The following SNX1 variants were observed in gnomAD, a reference collection of about 807,000 sequenced individuals.
SNX1 encodes the protein sorting nexin-1.
Under a neutral mutation model 71.8 loss-of-function variants are expected in SNX1, and 36 were observed. The ratio of observed to expected loss-of-function variants is 0.50; its 90% CI spans 0.38 to 0.66. SNX1 has a LOEUF of 0.66. SNX1 is among the 30% of genes least tolerant of loss of function. SNX1 has a pLI of 0.00. For synonymous variants in SNX1, 254 were observed against 240.7 expected, an observed-to-expected ratio of 1.06 and a Z score of -0.51; for missense variants, 612 against 646.7, an observed-to-expected ratio of 0.95 and a Z score of 0.58.
intron 1 of SNX1, among the ~76,000 whole-genome samples, chr15:64,096,482 C>A (rs1479888586): frequency 1.3e-5 from 2 of 152,228 alleles, no homozygotes; most frequent in African/African-American, 4.8e-5. Flanking sequence ...GGTTATTTTG[C>A]AGGTCGTGTC....
chr15:64,099,012 G>GT (rs1220041242), intron 1 of SNX1, among the ~76,000 whole-genome samples: 11 of 152,192 alleles, frequency 7.2e-5, no homozygotes, highest in African/African-American at 2.7e-4. Context: ...GAGCTCGCTA[G>GT]TTTAACTGTC....
chr15:64,119,386 C>G (rs999519986), intron 4 of SNX1, among the ~76,000 whole-genome samples: 1 of 152,016 alleles, frequency 6.6e-6, no homozygotes, highest in African/African-American at 2.4e-5. Context: ...CCTCTTAAAG[C>G]ACCGAGATTA....
chr15:64,136,554 G>A (rs902017628), intron 13 of SNX1, 144 bp downstream of exon 13: 5 of 716,054 alleles, frequency 7.0e-6, no homozygotes, highest in Admixed American at 6.4e-5. Context: ...CTTTGGGGGG[G>A]TGTGTGCTTG....
chr15:64,127,595 C>A, intron 7 of SNX1, 136 bp from the exon 8 acceptor site: 1 of 647,214 alleles, frequency 1.5e-6, no homozygotes, highest in Non-Finnish European at 2.7e-6. Flanking sequence ...AAGGAGAGAC[C>A]TACTTAAGTA....
In SNX1 at chr15:64,096,136, C is replaced by T. The variant is rs368705801; in HGVS notation, c.123C>T (p.Thr41=). ...AACCCGAGGCTGGGGACAGCGACAC[C>T]GAGGGGGAGGACATTTTCACCGGCG... ...GSEPEAGDSD[T]EGEDIFTGAA... is the part of the protein sequence containing the mutation. The change falls in exon 1 of 15, where the codon ACC becomes ACT. Residue 41 remains threonine, a synonymous_variant. Transcript: ENST00000559844. The T allele has an allele frequency of 2.6e-6, 4 of 1,555,022 alleles. No individual in the cohort carries two copies. The highest frequency in any genetic ancestry group is 1.7e-6 in the Non-Finnish European group (2 of 1,149,612).
chr15:64,141,607 G>C lies in SNX1; in HGVS notation c.*3989G>C, dbSNP rs1422803844. 7.9e-5 allele frequency: 12 copies of C among 152,372 alleles called. No individual in the cohort carries two copies. The highest frequency in any genetic ancestry group is 7.9e-4 in the Admixed American group (12 of 15,286). The allele number at this position is 152,372 out of a possible 1,614,324, so 9.4% of individuals were successfully genotyped here. On this transcript the variant is annotated 3_prime_UTR_variant, in exon 15 of 15. Coordinates refer to ENST00000559844, the MANE Select transcript of SNX1 (RefSeq NM_003099.5). This position sits in a 1 kb window ranked among gnomAD's most constrained non-coding sequence, Gnocchi z 5.1. ...TGGCAGGGTGAGGTAGGCGCATCTA[G>C]GGAAATGTCAAGTGGCTTGGTGTAG...
At position 64,129,247 on chromosome 15, in the gene SNX1, C is replaced by CA. The variant is rs74266544; in HGVS notation, c.808-655dup. 0.02 allele frequency among the ~76,000 whole-genome samples: 2,441 copies of CA among 122,968 alleles called. 57 individuals are homozygous for CA. Among genetic ancestry groups the CA allele is most frequent in the African/African-American group, 0.066 (2,218 of 33,548 alleles). 80.7% of individuals were successfully genotyped at this position (122,968 alleles called of 152,430 possible). On this transcript the variant is annotated intron_variant, in intron 8 of 14. Coordinates refer to ENST00000559844, the MANE Select transcript of SNX1 (RefSeq NM_003099.5). The surrounding 1 kb of genome is among the most constrained non-coding windows in gnomAD (Gnocchi z 4.4). ...GGGCGACAAGAGCAAGACTCCGTCT[C>CA]AAAAAAAAAAAAAAGAACTACTGCC...
chr15:64,101,961 T>C (rs1435691564), intron 1 of SNX1, among the ~76,000 whole-genome samples: 1 of 152,184 alleles, frequency 6.6e-6, no homozygotes, highest in African/African-American at 2.4e-5. Context: ...CCTGATTTGA[T>C]CATTGCACAT....
intron 4 of SNX1, among the ~76,000 whole-genome samples, chr15:64,122,030 G>T (rs1378681255): frequency 1.3e-5 from 2 of 152,174 alleles, no homozygotes; most frequent in Non-Finnish European, 2.9e-5. Context: ...CTTATTTGCA[G>T]ATCTGTGTGC....
chr15:64,136,894 A>T lies in SNX1; in HGVS notation c.1480A>T (p.Ile494Phe). The T allele has an allele frequency of 3.1e-6, 5 of 1,614,012 alleles. No homozygotes were observed. The highest frequency in any genetic ancestry group is 4.2e-6 in the Non-Finnish European group (5 of 1,179,928). The change falls in exon 14 of 15, where the codon ATC (isoleucine) becomes TTC (phenylalanine). Residue 494 changes from isoleucine to phenylalanine, a missense_variant. By Grantham distance (21) the Ile-to-Phe change is conservative. This residue lies in a region of SNX1 where 296 missense variants were observed against 361.9 expected (regional missense o/e 0.82). Transcript: ENST00000559844. ...EKSKDFKNHV[I>F]KYLETLLYSQ... is the part of the protein sequence containing the mutation. Reference sequence around the variant, plus strand: ...ATCCAAGGACTTCAAGAACCACGTGATCAAGTACCTTGAGACACTCCTTTA... The same window carrying T: ...ATCCAAGGACTTCAAGAACCACGTGTTCAAGTACCTTGAGACACTCCTTTA...
chr15:64,125,262 A>G (rs1289006717), intron 5 of SNX1, among the ~76,000 whole-genome samples: 2 of 152,138 alleles, frequency 1.3e-5, no homozygotes, highest in Non-Finnish European at 2.9e-5. Flanking sequence ...CAGGAGTTCG[A>G]GAGCAGCCCG....
intron 1 of SNX1, chr15:64,111,565 C>G (rs1479760984): frequency 1.3e-5 from 2 of 152,286 alleles, no homozygotes; most frequent in South Asian, 4.1e-4. Flanking sequence ...ACCTTCAGAC[C>G]TGCTAACAGT....
chr15:64,138,323 CTCTTTTT>C lies in SNX1; in HGVS notation c.*707_*713del. On this transcript the variant is annotated 3_prime_UTR_variant, in exon 15 of 15. Transcript: ENST00000559844. ...CAAAGGAGGCAGAGACTTTCTCTCT[CTCTTTTT>C]TTTTTTTTTTTGGTGTCCCTATCAT... The C allele has an allele frequency of 1.4e-6, 1 of 693,892 alleles. No individual in the cohort carries two copies. Among genetic ancestry groups the C allele is most frequent in the African/African-American group, 2.1e-5 (1 of 47,686 alleles). 43.0% of individuals were successfully genotyped at this position (693,892 alleles called of 1,614,324 possible).
chr15:64,138,178 A>C lies in SNX1; in HGVS notation c.*560A>C, dbSNP rs111266723. On this transcript the variant is annotated 3_prime_UTR_variant, in exon 15 of 15. Transcript: ENST00000559844. ...AAATGGGGTTTCTTTCTCTCCGCCTACCTCAGCTACCTGTTCTGAGGGTCT... is the reference window on the plus strand; with the variant it reads ...AAATGGGGTTTCTTTCTCTCCGCCTCCCTCAGCTACCTGTTCTGAGGGTCT... The C allele has an allele frequency of 6.5e-7, 1 of 1,535,202 alleles. No individual in the cohort carries two copies. The highest frequency in any genetic ancestry group is 1.2e-5 in the South Asian group (1 of 83,906).
intron 14 of SNX1, 84 bp downstream of exon 14, chr15:64,137,016 G>A (rs2081366384): frequency 2.8e-6 from 3 of 1,071,160 alleles, no homozygotes; most frequent in Non-Finnish European, 4.3e-6. Context: ...AACAAGATGT[G>A]CAGGCCCTGC....
In SNX1 at chr15:64,138,182, CA is replaced by C; in HGVS notation, c.*565del. ...GGGGTTTCTTTCTCTCCGCCTACCT[CA>C]GCTACCTGTTCTGAGGGTCTCAATC... On this transcript the variant is annotated 3_prime_UTR_variant, in exon 15 of 15. Coordinates refer to ENST00000559844, the MANE Select transcript of SNX1 (RefSeq NM_003099.5). 2 of 1,535,228 alleles carry C rather than the reference CA, an allele frequency of 1.3e-6. No homozygotes were observed. The highest frequency in any genetic ancestry group is 1.7e-6 in the Non-Finnish European group (2 of 1,146,780).
intron 2 of SNX1, among the ~76,000 whole-genome samples, chr15:64,114,385 G>C (rs759781063): frequency 6.6e-6 from 1 of 152,182 alleles, no homozygotes; most frequent in Non-Finnish European, 1.5e-5. Flanking sequence ...TGAAGACAAA[G>C]TCAAAAGGTT....
chr15:64,143,168 A>G lies in SNX1; in HGVS notation c.*5550A>G, dbSNP rs1295075151. The G allele has an allele frequency of 6.0e-6, 1 of 165,462 alleles. No individual in the cohort carries two copies. Among genetic ancestry groups the G allele is most frequent in the East Asian group, 1.8e-4 (1 of 5,682 alleles). The allele number at this position is 165,462 out of a possible 1,614,324, so 10.2% of individuals were successfully genotyped here. Reference sequence around the variant, plus strand: ...TCCCTGGCTCCAAACATAGGAGGACACATCTGTGCTACAGTGCGCACATGC... The same window carrying G: ...TCCCTGGCTCCAAACATAGGAGGACGCATCTGTGCTACAGTGCGCACATGC... On this transcript the variant is annotated 3_prime_UTR_variant, in exon 15 of 15. Transcript: ENST00000559844.
intron 1 of SNX1, among the ~76,000 whole-genome samples, chr15:64,107,505 G>T (rs1196076272): frequency 2.0e-5 from 3 of 152,210 alleles, no homozygotes; most frequent in Non-Finnish European, 2.9e-5. Flanking sequence ...GCCTGGAATG[G>T]CTTGAGGCTG....
Sources: allele counts gnomAD v4.1 joint callset (sites outside exome capture counted in the v4.1 genomes callset), GRCh38; gene constraint gnomAD v4.1.1; regional missense constraint gnomAD v4.1.1; non-coding constraint Gnocchi (gnomAD v3.1); transcripts MANE v1.5; gene names NCBI Gene and HGNC (gene_info 2026-07-23, HGNC 2026-07-21).